Variants in TEX9 observed in about 807,000 individuals in gnomAD.
TEX9 encodes testis expressed 9, also known as testis-expressed protein 9.
A neutral mutation model predicts 59.6 loss-of-function variants in TEX9; 74 were observed. The observed-to-expected ratio is 1.24, with a 90% CI of 1.03 to 1.51. The LOEUF is 1.51. Ranked by LOEUF, TEX9 falls within the 40% of genes most tolerant of loss-of-function variation. The pLI, the probability that TEX9 is intolerant of heterozygous loss-of-function variation, is 0.00. For synonymous variants in TEX9, 186 were observed against 152.2 expected, an observed-to-expected ratio of 1.22 and a Z score of -1.64; for missense variants, 522 against 447.8, an observed-to-expected ratio of 1.17 and a Z score of -1.49.
intron 10 of TEX9, among the ~76,000 whole-genome samples, chr15:56,416,152 T>C (rs775277858): frequency 1.3e-4 from 20 of 151,934 alleles, no homozygotes; most frequent in South Asian, 2.1e-4. Context: ...CTTCTAGATA[T>C]AGAATTACGC....
intron 1 of TEX9, among the ~76,000 whole-genome samples, chr15:56,249,342 C>T (rs1205531551): frequency 6.6e-6 from 1 of 151,744 alleles, no homozygotes; most frequent in East Asian, 1.9e-4. Flanking sequence ...AATGCAGTGT[C>T]AATGTTATTT....
intron 1 of TEX9, among the ~76,000 whole-genome samples, chr15:56,325,950 TAATG>T (rs1163544090): frequency 5.9e-5 from 9 of 152,216 alleles, no homozygotes; most frequent in African/African-American, 2.2e-4. Flanking sequence ...CAAGGTCTGA[TAATG>T]AACATACGGT....
At chr15:56,375,586 T>C (rs1254472927) in intron 3 of TEX9, among the ~76,000 whole-genome samples, 1 of 152,182 alleles carries the variant, frequency 6.6e-6, no homozygotes, top group Non-Finnish European at 1.5e-5. Context: ...ATGAAGTCCT[T>C]GCCCATGCCT....
At chr15:56,380,977 A>G (rs530291112) in intron 3 of TEX9, among the ~76,000 whole-genome samples, 9 of 152,276 alleles carry the variant, frequency 5.9e-5, no homozygotes, top group African/African-American at 2.2e-4. Flanking sequence ...AGGTTTGGGA[A>G]GTTCTCTGAT....
chr15:56,437,462 A>G (rs2050746551), intron 12 of TEX9, among the ~76,000 whole-genome samples: 1 of 152,204 alleles, frequency 6.6e-6, no homozygotes, highest in Non-Finnish European at 1.5e-5. Flanking sequence ...GATGGGACAT[A>G]TCTCAAAATA....
chr15:56,343,850 G>A (rs1459100214), intron 1 of TEX9, among the ~76,000 whole-genome samples: 3 of 152,070 alleles, frequency 2.0e-5, no homozygotes, highest in South Asian at 2.1e-4. Context: ...TGGATCCAGT[G>A]GGCAAAGGAT....
At chr15:56,373,471 A>G (rs750060011) in exon 3 of TEX9, 4 of 1,586,082 alleles carry the variant, frequency 2.5e-6, no homozygotes, top group Non-Finnish European at 3.4e-6. Context: ...AGGCAAAAAC[A>G]GCTGACGTGG....
At chr15:56,444,430 T>C in intron 12 of TEX9, 1 of 1,578,426 alleles carries the variant, frequency 6.3e-7, no homozygotes, top group South Asian at 1.1e-5. Flanking sequence ...GTAAGAAAGT[T>C]AGGATAAACT....
chr15:56,403,639 T>A (rs1390599974), intron 9 of TEX9, among the ~76,000 whole-genome samples: 1 of 152,132 alleles, frequency 6.6e-6, no homozygotes, highest in Non-Finnish European at 1.5e-5. Flanking sequence ...TACTTTAAAG[T>A]TCACGTGGAA....
chr15:56,428,893 G>A (rs1473614347), intron 12 of TEX9: 7 of 498,140 alleles, frequency 1.4e-5, no homozygotes, highest in Admixed American at 8.0e-5. Flanking sequence ...TGTAGAAATC[G>A]GATTTTGAAA....
chr15:56,427,663 T>A (rs1221905129), exon 11 of TEX9: 1 of 1,548,254 alleles, frequency 6.5e-7, no homozygotes, highest in Admixed American at 2.1e-5. Context: ...AACAAGAAGC[T>A]AGAAAAACAA....
intron 1 of TEX9, among the ~76,000 whole-genome samples, chr15:56,269,754 C>T (rs2044479887): frequency 6.6e-6 from 1 of 150,426 alleles, no homozygotes; most frequent in African/African-American, 2.4e-5. Context: ...CCAGGTTTTA[C>T]ACCATTCTCC....
chr15:56,284,379 A>G (rs541741344), intron 1 of TEX9, among the ~76,000 whole-genome samples: 2 of 152,286 alleles, frequency 1.3e-5, no homozygotes, highest in African/African-American at 4.8e-5. Context: ...ATATCCTTTC[A>G]AAGGGTGTGC....
chr15:56,383,735 C>T (rs1382877774), intron 3 of TEX9, among the ~76,000 whole-genome samples: 2 of 152,138 alleles, frequency 1.3e-5, no homozygotes, highest in African/African-American at 4.8e-5. Flanking sequence ...CTTACATTTT[C>T]CCCTTAGGAT....
chr15:56,366,495 T>C (rs193157064), intron 2 of TEX9, among the ~76,000 whole-genome samples: 35 of 152,338 alleles, frequency 2.3e-4, no homozygotes, highest in African/African-American at 7.9e-4. Flanking sequence ...CCATGCTAAG[T>C]AGGCTCCCTT....
At chr15:56,433,367 T>A (rs2050651345) in intron 12 of TEX9, among the ~76,000 whole-genome samples, 1 of 151,976 alleles carries the variant, frequency 6.6e-6, no homozygotes, top group Non-Finnish European at 1.5e-5. Context: ...CCATGGCACA[T>A]GTATACCTGT....
At chr15:56,279,383 G>T (rs1313216564) in intron 1 of TEX9, among the ~76,000 whole-genome samples, 1 of 152,176 alleles carries the variant, frequency 6.6e-6, no homozygotes, top group Non-Finnish European at 1.5e-5. Context: ...ATACTATAGT[G>T]AATATGTGTC....
chr15:56,252,260 A>G (rs79911453), intron 1 of TEX9, among the ~76,000 whole-genome samples: 1,656 of 152,176 alleles, frequency 0.011, 33 homozygotes, highest in African/African-American at 0.036. Context: ...CAGTACTACA[A>G]ACTATATTTG....
At chr15:56,395,313 T>C (rs11853962) in intron 9 of TEX9, 46,826 of 154,908 alleles carry the variant, frequency 0.3, 7,975 homozygotes, top group Middle Eastern at 0.47. Context: ...TTTATTTCTT[T>C]TTATTGGCAA....
Sources: gnomAD v4.1 joint callset for allele counts (sites outside exome capture counted in the v4.1 genomes callset) on GRCh38, gnomAD v4.1.1 for gene constraint, MANE v1.5 for transcripts, NCBI Gene and HGNC (gene_info 2026-07-23, HGNC 2026-07-21) for gene names.